Variants in RTCA observed in about 807,000 individuals in gnomAD.
The protein encoded by RTCA is RNA terminal phosphate cyclase domain 1.
Under a neutral mutation model 46.1 loss-of-function variants are expected in RTCA, and 37 were observed. That is an observed-to-expected ratio of 0.80 (90% CI 0.62 to 1.06). The LOEUF (loss-of-function observed/expected upper bound fraction) is 1.06. Among genes scored for constraint, RTCA ranks in the 50% least tolerant of loss-of-function variants. The pLI is 0.00. For missense variants in RTCA, 435 were observed against 455.5 expected (o/e 0.95, Z 0.41); for synonymous variants, 164 against 158.3 (o/e 1.04, Z -0.27).
At chr1:100,274,490 G>A (rs1324929748) in intron 5 of RTCA, among the ~76,000 whole-genome samples, 1 of 152,062 alleles carries the variant, frequency 6.6e-6, no homozygotes, top group African/African-American at 2.4e-5. Context: ...TCTGCATTGG[G>A]GTATATGTTC....
At chr1:100,276,154 A>T (rs1032167198) in intron 7 of RTCA, among the ~76,000 whole-genome samples, 7 of 152,050 alleles carry the variant, frequency 4.6e-5, no homozygotes, top group African/African-American at 1.4e-4. Context: ...ATTTTTAAGG[A>T]CATTCCTACC....
At chr1:100,271,310 A>G (rs1666078641) in intron 4 of RTCA, among the ~76,000 whole-genome samples, 1 of 151,950 alleles carries the variant, frequency 6.6e-6, no homozygotes, top group Non-Finnish European at 1.5e-5. Flanking sequence ...AAAACAAAAA[A>G]CACTACACAC....
At chr1:100,267,580 G>A in intron 2 of RTCA, 1 of 1,522,052 alleles carries the variant, frequency 6.6e-7, no homozygotes, top group Non-Finnish European at 8.9e-7. Flanking sequence ...ATCTGCTCCA[G>A]GCCTGTCTTT....
chr1:100,274,767 G>A (rs892398188), intron 5 of RTCA, 57 bp from the exon 6 acceptor site: 1 of 1,502,136 alleles, frequency 6.7e-7, no homozygotes, highest in Non-Finnish European at 9.1e-7. Context: ...TTGTAATATA[G>A]AGCTTTGTTT....
rs1196520335 is a variant in RTCA, at chr1:100,266,322, C to T, written c.-54C>T. The T allele has an allele frequency of 1.9e-6, 3 of 1,595,668 alleles. No homozygotes were observed. Among genetic ancestry groups the T allele is most frequent in the Non-Finnish European group, 2.6e-6 (3 of 1,174,952 alleles). On this transcript the variant is annotated 5_prime_UTR_variant, in exon 1 of 11. Transcript: ENST00000370128. ...GGGCGGGAGCCAACGTCTCTTCTTT[C>T]TCCCGCTCTGGCGGAGGCTTTGTCG...
At chr1:100,275,116 A>T (rs570337884) in intron 6 of RTCA, 151 bp downstream of exon 6, 1 of 795,546 alleles carries the variant, frequency 1.3e-6, no homozygotes, top group African/African-American at 1.7e-5. Flanking sequence ...GCTGGAGGCC[A>T]TTATCCTAAG....
intron 10 of RTCA, 92 bp downstream of exon 10, chr1:100,287,295 A>G (rs1372090220): frequency 1.2e-5 from 10 of 803,332 alleles, no homozygotes; most frequent in Non-Finnish European, 1.9e-5. Context: ...AATAGTAATC[A>G]TAATTGCTAT....
rs34035586 is a variant in RTCA, at chr1:100,291,929, CTTTT to C, written c.*440_*443del. 3.0e-5 allele frequency: 4 copies of C among 133,412 alleles called. No individual in the cohort carries two copies. Among genetic ancestry groups the C allele is most frequent in the Non-Finnish European group, 3.2e-5 (2 of 62,262 alleles). 8.3% of individuals were successfully genotyped at this position (133,412 alleles called of 1,614,324 possible). On this transcript the variant is annotated 3_prime_UTR_variant, in exon 11 of 11. Transcript: ENST00000370128. The stretch of plus-strand genomic sequence containing the variant: ...TTGTTGTGACAACAATAACATTTTC[CTTTT>C]TTTTTTTTTTTTTTGAGACAGTCTC...
intron 10 of RTCA, among the ~76,000 whole-genome samples, chr1:100,289,082 C>T (rs552562066): frequency 1.3e-5 from 2 of 151,880 alleles, no homozygotes; most frequent in East Asian, 3.9e-4. Flanking sequence ...CCTTGGCCTC[C>T]CAAAGTGCAG....
chr1:100,286,169 G>A (rs1667011119), intron 9 of RTCA, among the ~76,000 whole-genome samples: 1 of 152,002 alleles, frequency 6.6e-6, no homozygotes, highest in African/African-American at 2.4e-5. Context: ...AACTTAGCAC[G>A]TTGCATGGCG....
chr1:100,291,290 G>C, intron 10 of RTCA, 113 bp from the exon 11 acceptor site: 2 of 637,196 alleles, frequency 3.1e-6, no homozygotes, highest in East Asian at 2.7e-5. Context: ...TGTCTCTGTA[G>C]GTTTTTCAAT....
At position 100,266,644 on chromosome 1, in the gene RTCA, G is replaced by C; in HGVS notation, c.146+20G>C. 6.3e-7 allele frequency: 1 copy of C among 1,587,762 alleles called. No individual in the cohort carries two copies. The highest frequency in any genetic ancestry group is 8.6e-7 in the Non-Finnish European group (1 of 1,163,948). ...CCTGAGGTAAATCTGGCTGGAGGGG[G>C]AGTTGGGCCGTGAAGCTGGGGGATC... On this transcript the variant is annotated intron_variant, in intron 2 of 10. Transcript: ENST00000370128.
Position 100,287,215 on chromosome 1 carries a change from A to G in RTCA, c.999+12A>G, listed in dbSNP as rs1570892351. 5 of 1,518,786 alleles carry G rather than the reference A, an allele frequency of 3.3e-6. No homozygotes were observed. In the East Asian group the frequency reaches 7.4e-5, roughly 22 times the overall value. The allele number at this position is 1,518,786 out of a possible 1,614,324, so 94.1% of individuals were successfully genotyped here. A position where few individuals can be genotyped will look rare whatever the true frequency, so the allele number is the denominator to read the frequency against. Reference sequence around the variant, plus strand: ...AACAAATAGCAAAGGTGAGTATTCTATCAGAAAGGGAAATTGATATTTTGA... The same window carrying G: ...AACAAATAGCAAAGGTGAGTATTCTGTCAGAAAGGGAAATTGATATTTTGA... On this transcript the variant is annotated intron_variant, in intron 10 of 10. Coordinates refer to ENST00000370128, the MANE Select transcript of RTCA (RefSeq NM_003729.4).
At chr1:100,280,239 G>A (rs1192401759) in intron 8 of RTCA, among the ~76,000 whole-genome samples, 1 of 152,216 alleles carries the variant, frequency 6.6e-6, no homozygotes, top group Non-Finnish European at 1.5e-5. Flanking sequence ...ATACGGGGTA[G>A]AGTTAGTTTG....
intron 10 of RTCA, among the ~76,000 whole-genome samples, chr1:100,287,794 CTTTT>C (rs151172878): frequency 4.6e-4 from 58 of 125,382 alleles, no homozygotes; most frequent in Non-Finnish European, 6.2e-4. Flanking sequence ...CTACAGGATT[CTTTT>C]TTTTTTTTTT....
rs531684593 is a variant in RTCA at position 100,286,234 on chromosome 1, C to T, written c.895-865C>T. Among the ~76,000 whole-genome samples the T allele has an allele frequency of 5.9e-5, 9 of 152,000 alleles. No homozygotes were observed. The South Asian group carries it at 6.2e-4, about 11-fold the overall frequency. Reference sequence around the variant, plus strand: ...TTGGGAGGCCGAGGTGGGCGGATCACGAGGTCAAGAGATCGAGACCATCCT... The same window carrying T: ...TTGGGAGGCCGAGGTGGGCGGATCATGAGGTCAAGAGATCGAGACCATCCT... On this transcript the variant is annotated intron_variant, in intron 9 of 10. Transcript: ENST00000370128.
In RTCA at chr1:100,274,961, TTAAAG is replaced by T; in HGVS notation, c.615_615+4del. 6.2e-7 allele frequency: 1 copy of T among 1,604,456 alleles called. No individual in the cohort carries two copies. Among genetic ancestry groups the T allele is most frequent in the Non-Finnish European group, 8.5e-7 (1 of 1,173,126 alleles). On this transcript the variant is annotated splice_donor_variant and coding_sequence_variant, in exon 6 of 11. Coordinates refer to ENST00000370128, the MANE Select transcript of RTCA (RefSeq NM_003729.4). LOFTEE classifies it high-confidence loss of function. ...GCTTTCGTTGCTGGTGTTTTGCCAT[TTAAAG>T]TAAGTTGTTTAGATGTTCTTAGAAA...
chr1:100,287,351 C>T, intron 10 of RTCA, 148 bp downstream of exon 10: 1 of 508,354 alleles, frequency 2.0e-6, no homozygotes, highest in Non-Finnish European at 3.4e-6. Context: ...AGCAATTTAT[C>T]TAAACTGTCT....
intron 8 of RTCA, among the ~76,000 whole-genome samples, chr1:100,283,218 T>C (rs1666815641): frequency 6.8e-6 from 1 of 146,006 alleles, no homozygotes; most frequent in African/African-American, 2.5e-5. Flanking sequence ...TCACCCAGGC[T>C]GGAGTGCAGT....
Sources: allele counts gnomAD v4.1 joint callset (sites outside exome capture counted in the v4.1 genomes callset), GRCh38; gene constraint gnomAD v4.1.1; transcripts MANE v1.5; gene names NCBI Gene and HGNC (gene_info 2026-07-23, HGNC 2026-07-21).